Variants in ASXL3 observed in about 807,000 individuals in gnomAD.
ASXL3 encodes the protein ASXL transcriptional regulator 3.
In ASXL3, 34 loss-of-function variants were observed where a neutral mutation model predicts 170.6. That is an observed-to-expected ratio of 0.20 (90% CI 0.15 to 0.27). The LOEUF (loss-of-function observed/expected upper bound fraction) is 0.27. Ranked by LOEUF, ASXL3 falls within the 10% of genes least tolerant of loss-of-function variation. The pLI, the probability that ASXL3 is intolerant of heterozygous loss-of-function variation, is 1.00. For synonymous variants in ASXL3, 1,002 were observed against 989.1 expected (o/e 1.01, Z -0.24); for missense variants, 2,592 against 2,695.3 (o/e 0.96, Z 0.85).
intron 2 of ASXL3, among the ~76,000 whole-genome samples, chr18:33,610,749 C>T (rs994702105): frequency 6.6e-6 from 1 of 152,100 alleles, no homozygotes; most frequent in African/African-American, 2.4e-5. Flanking sequence ...ACAACTTCGG[C>T]TTGCATTCAG....
At chr18:33,636,580 T>A (rs1023141314) in intron 2 of ASXL3, among the ~76,000 whole-genome samples, 8 of 152,036 alleles carry the variant, frequency 5.3e-5, no homozygotes, top group Non-Finnish European at 8.8e-5. Flanking sequence ...AAATGTAAGG[T>A]TTCAGGTGAA....
chr18:33,718,118 A>G (rs1469464964), intron 8 of ASXL3, among the ~76,000 whole-genome samples: 2 of 152,102 alleles, frequency 1.3e-5, no homozygotes, highest in African/African-American at 4.8e-5. Context: ...ATACAACTAA[A>G]TCATGGCAAA....
intron 2 of ASXL3, among the ~76,000 whole-genome samples, chr18:33,644,132 A>G (rs2145197558): frequency 6.6e-6 from 1 of 152,082 alleles, no homozygotes; most frequent in Non-Finnish European, 1.5e-5. Context: ...ATGTTTATAC[A>G]TATGTACTTT....
intron 2 of ASXL3, among the ~76,000 whole-genome samples, chr18:33,642,327 T>C (rs1301295914): frequency 1.7e-4 from 26 of 151,992 alleles, no homozygotes; most frequent in Admixed American, 1.7e-3. Context: ...ATATTTTACA[T>C]TGGATGAATC....
intron 5 of ASXL3, among the ~76,000 whole-genome samples, chr18:33,663,050 G>A (rs554675883): frequency 2.0e-5 from 3 of 152,134 alleles, no homozygotes; most frequent in Non-Finnish European, 1.5e-5. Context: ...CATAGGTCAA[G>A]TATCCTTTGG....
intron 8 of ASXL3, among the ~76,000 whole-genome samples, chr18:33,710,486 A>G (rs2067039737): frequency 6.6e-6 from 1 of 152,212 alleles, no homozygotes; most frequent in African/African-American, 2.4e-5. Flanking sequence ...AGTGGGTCAT[A>G]GTTCACGTAA....
In ASXL3 at chr18:33,609,115, C is replaced by T. The variant is rs190675309; in HGVS notation, c.137+1439C>T. ...ACCTAACAATTCTGTTAAAGGAGAT[C>T]CTATTTTAACCCGGATGTCAGTTTA... On this transcript the variant is annotated intron_variant, in intron 2 of 11. Coordinates refer to ENST00000269197, the MANE Select transcript of ASXL3 (RefSeq NM_030632.3). The T allele has an allele frequency of 2.6e-3, 2,423 of 949,894 alleles. 7 individuals carry two copies. Among genetic ancestry groups the T allele is most frequent in the Non-Finnish European group, 2.9e-3 (2,313 of 797,784 alleles). 58.8% of individuals were successfully genotyped at this position (949,894 alleles called of 1,614,324 possible).
chr18:33,661,981 T>A (rs1471610248), intron 5 of ASXL3, among the ~76,000 whole-genome samples: 1 of 152,074 alleles, frequency 6.6e-6, no homozygotes, highest in Non-Finnish European at 1.5e-5. Flanking sequence ...TATGTAAAAA[T>A]TTGTATTAAC....
At position 33,744,550 on chromosome 18, in the gene ASXL3, A is replaced by C; in HGVS notation, c.4702A>C (p.Lys1568Gln). Reference sequence around the variant, plus strand: ...CCGAGAATTACCCCTTGTTCCAGATAAATTAAATGAGCCGACTGCTCCCAG... The same window carrying C: ...CCGAGAATTACCCCTTGTTCCAGATCAATTAAATGAGCCGACTGCTCCCAG... ...SLRELPLVPD[K>Q]LNEPTAPSHN... Residue 1568 changes from lysine (K) to glutamine (Q), a missense_variant, in exon 12 of 12, where the codon AAA (lysine) becomes CAA (glutamine). Transcript: ENST00000269197. The C allele has an allele frequency of 6.2e-7, 1 of 1,611,858 alleles. No homozygotes were observed. Among genetic ancestry groups the C allele is most frequent in the South Asian group, 1.1e-5 (1 of 90,840 alleles).
rs748936131 is a variant in ASXL3 at position 33,744,167 on chromosome 18, A to G, written c.4319A>G (p.Asn1440Ser). ...PKLSAESLDK[N>S]SGPRNRADNS... ...TTAAGTGCTGAAAGCTTGGACAAAA[A>G]TTCAGGGCCTCGAAACAGGGCAGAT... The change falls in exon 12 of 12, where the codon AAT becomes AGT. Residue 1440 changes from asparagine (N) to serine (S), a missense_variant. By Grantham distance (46) the Asn-to-Ser change is conservative. Transcript: ENST00000269197. 1.2e-6 allele frequency: 2 copies of G among 1,614,014 alleles called. No homozygotes were observed. Among genetic ancestry groups the G allele is most frequent in the Non-Finnish European group, 1.7e-6 (2 of 1,179,894 alleles).
chr18:33,644,147 T>G (rs2065884264), intron 2 of ASXL3, among the ~76,000 whole-genome samples: 1 of 151,984 alleles, frequency 6.6e-6, no homozygotes, highest in South Asian at 2.1e-4. Context: ...TACTTTGATA[T>G]TTTAAATGTT....
rs1425845420 is a variant in ASXL3 at position 33,745,480 on chromosome 18, T to C, written c.5632T>C (p.Trp1878Arg). The C allele has an allele frequency of 1.9e-6, 3 of 1,614,008 alleles. No homozygotes were observed. The highest frequency in any genetic ancestry group is 2.5e-6 in the Non-Finnish European group (3 of 1,179,898). ...ACACAGCCAGCCATTTAAGCAAGAA[T>C]GGCTAAACAAGCACTCCATGCAGAA... Reference protein sequence around the residue: ...LGHSQPFKQEWLNKHSMQNRI... With the variant: ...LGHSQPFKQERLNKHSMQNRI... The change falls in exon 12 of 12, where the codon TGG (tryptophan) becomes CGG (arginine). Residue 1878 changes from tryptophan to arginine, a missense_variant. Coordinates refer to ENST00000269197, the MANE Select transcript of ASXL3 (RefSeq NM_030632.3).
At chr18:33,622,148 C>T (rs1003057281) in intron 2 of ASXL3, among the ~76,000 whole-genome samples, 8 of 152,008 alleles carry the variant, frequency 5.3e-5, no homozygotes, top group African/African-American at 1.9e-4. Flanking sequence ...TTTAGTGTAT[C>T]AAATGCAGTA....
At chr18:33,684,461 C>A (rs2066561175) in intron 8 of ASXL3, among the ~76,000 whole-genome samples, 1 of 152,066 alleles carries the variant, frequency 6.6e-6, no homozygotes, top group Non-Finnish European at 1.5e-5. Context: ...TATTGACTTA[C>A]CCATCTTCTT....
intron 2 of ASXL3, among the ~76,000 whole-genome samples, chr18:33,638,133 G>GTATATA (rs146413821): frequency 9.4e-5 from 14 of 148,582 alleles, no homozygotes; most frequent in African/African-American, 3.2e-4. Flanking sequence ...CATGTGTATA[G>GTATATA]TATATATATA....
chr18:33,733,287 C>G (rs1339101928), intron 9 of ASXL3, among the ~76,000 whole-genome samples: 1 of 152,126 alleles, frequency 6.6e-6, no homozygotes, highest in Non-Finnish European at 1.5e-5. Flanking sequence ...AACCAAAATG[C>G]CTAATATTAA....
intron 2 of ASXL3, among the ~76,000 whole-genome samples, chr18:33,612,093 A>G (rs2065343671): frequency 6.6e-6 from 1 of 152,044 alleles, no homozygotes. Flanking sequence ...GATACCTGTC[A>G]TTAATGTAGC....
chr18:33,683,266 C>A, intron 7 of ASXL3, 139 bp from the exon 8 acceptor site: 1 of 660,006 alleles, frequency 1.5e-6, no homozygotes, highest in Non-Finnish European at 2.3e-6. Context: ...TTCTGAAATA[C>A]CATTTGTAAA....
At chr18:33,587,665 T>C (rs1260536985) in intron 1 of ASXL3, among the ~76,000 whole-genome samples, 1 of 152,098 alleles carries the variant, frequency 6.6e-6, no homozygotes, top group Admixed American at 6.6e-5. Flanking sequence ...CCTGAAATCC[T>C]TACTATCCTC....
Sources: allele counts gnomAD v4.1 joint callset (sites outside exome capture counted in the v4.1 genomes callset), GRCh38; gene constraint gnomAD v4.1.1; transcripts MANE v1.5; gene names NCBI Gene and HGNC (gene_info 2026-07-23, HGNC 2026-07-21).